The following ELAPOR1 variants were observed in gnomAD, a reference collection of about 807,000 sequenced individuals.
ELAPOR1 encodes endosome-lysosome associated apoptosis and autophagy regulator 1.
Under a neutral mutation model 119.7 loss-of-function variants are expected in ELAPOR1, and 77 were observed. That is an observed-to-expected ratio of 0.64 (90% confidence interval 0.54 to 0.78). ELAPOR1 has a LOEUF of 0.78. Among genes scored for constraint, ELAPOR1 ranks in the 30% least tolerant of loss-of-function variants. The pLI is 0.00. For missense variants in ELAPOR1, 1,115 were observed against 1,270.4 expected (o/e 0.88, Z 1.86); for synonymous variants, 481 against 487.2 (o/e 0.99, Z 0.17).
At position 109,191,494 on chromosome 1, in the gene ELAPOR1, G is replaced by A. The variant is rs186670906; in HGVS notation, c.1545+23G>A. On this transcript the variant is annotated intron_variant, in intron 12 of 21. Transcript: ENST00000369939. ...GTGGTACGTTTTCCTTTCTTTGCCC[G>A]CTAGAGGGCCTCCAGGGGAGGGTTA... The A allele has an allele frequency of 9.9e-5, 156 of 1,582,892 alleles. No homozygotes were observed. In the African/African-American group the frequency reaches 1.2e-3, roughly 12 times the overall value.
chr1:109,146,273 T>C (rs913954076), intron 1 of ELAPOR1, among the ~76,000 whole-genome samples: 2 of 151,926 alleles, frequency 1.3e-5, no homozygotes, highest in African/African-American at 4.8e-5. Context: ...TGAGCCGAAA[T>C]TGAGTCGCTG....
At chr1:109,189,505 C>A in intron 10 of ELAPOR1, 87 bp from the exon 11 acceptor site, 1 of 1,238,036 alleles carries the variant, frequency 8.1e-7, no homozygotes, top group South Asian at 1.2e-5. Context: ...AAGATGGTGT[C>A]AAACCTCCCT....
In ELAPOR1 at chr1:109,119,634, G is replaced by A. The variant is rs183621074; in HGVS notation, c.153+5298G>A. Among the ~76,000 whole-genome samples, 602 of 151,970 alleles carry A rather than the reference G, an allele frequency of 4.0e-3. 2 individuals are homozygous for A. Among genetic ancestry groups the A allele is most frequent in the African/African-American group, 0.014 (564 of 41,434 alleles). ...ACACTAAGCTTCTAAACTCATCTAC[G>A]TTATTGTATGTTACTATATTTTGTG... On this transcript the variant is annotated intron_variant, in intron 1 of 21. Coordinates refer to ENST00000369939, the MANE Select transcript of ELAPOR1 (RefSeq NM_020775.5).
At chr1:109,155,949 T>C (rs1369555531) in intron 1 of ELAPOR1, among the ~76,000 whole-genome samples, 1 of 152,074 alleles carries the variant, frequency 6.6e-6, no homozygotes, top group African/African-American at 2.4e-5. Flanking sequence ...TCAAGACCAG[T>C]CTTAGCCACA....
intron 9 of ELAPOR1, among the ~76,000 whole-genome samples, chr1:109,188,686 C>T (rs1653229281): frequency 6.6e-6 from 1 of 152,200 alleles, no homozygotes; most frequent in Non-Finnish European, 1.5e-5. Flanking sequence ...TGACCAACCC[C>T]ACACAACCAA....
chr1:109,146,320 C>T (rs1570638145), intron 1 of ELAPOR1, among the ~76,000 whole-genome samples: 1 of 81,820 alleles, frequency 1.2e-5, no homozygotes, highest in African/African-American at 3.4e-5. Flanking sequence ...GACTCTGTCT[C>T]AATTAAAAAA....
chr1:109,172,739 G>A (rs959683311), intron 5 of ELAPOR1, among the ~76,000 whole-genome samples, 171 bp downstream of exon 5: 1 of 152,154 alleles, frequency 6.6e-6, no homozygotes, highest in African/African-American at 2.4e-5. Flanking sequence ...CAGAATATGG[G>A]TGTGAGCTGA....
chr1:109,136,899 G>A (rs145195934), intron 1 of ELAPOR1, among the ~76,000 whole-genome samples: 1 of 152,306 alleles, frequency 6.6e-6, no homozygotes, highest in Non-Finnish European at 1.5e-5. Flanking sequence ...GGGACCAGGA[G>A]AACTGAACAG....
At chr1:109,193,738 C>T (rs192631867) in intron 14 of ELAPOR1, among the ~76,000 whole-genome samples, 4 of 152,290 alleles carry the variant, frequency 2.6e-5, no homozygotes, top group Admixed American at 6.5e-5. Context: ...ACTCTGCAAA[C>T]GTTGCCTAGT....
In ELAPOR1 at chr1:109,199,969, G is replaced by A. The variant is rs751310326; in HGVS notation, c.2617G>A (p.Ala873Thr). The A allele has an allele frequency of 6.2e-7, 1 of 1,614,022 alleles. No homozygotes were observed. The highest frequency in any genetic ancestry group is 1.1e-5 in the South Asian group (1 of 91,084). The stretch of plus-strand genomic sequence containing the variant: ...CCATGCTATCGTCAGCAGCTGTGTG[G>A]CTGGGATCCAGGTGGGTTTCCCTCT... ...DYHAIVSSCV[A>T]GIQKTTYVWR... The change falls in exon 19 of 22, where the codon GCT becomes ACT. Residue 873 changes from alanine (A) to threonine (T), a missense_variant. Transcript: ENST00000369939.
intron 15 of ELAPOR1, among the ~76,000 whole-genome samples, chr1:109,196,345 T>G (rs1653791757): frequency 6.6e-6 from 1 of 152,234 alleles, no homozygotes; most frequent in African/African-American, 2.4e-5. Flanking sequence ...GTCTCTATCT[T>G]GTTTTCAGAA....
chr1:109,187,831 A>G, intron 8 of ELAPOR1: 1 of 992,214 alleles, frequency 1.0e-6, no homozygotes, highest in Non-Finnish European at 1.2e-6. Flanking sequence ...GATTTTCACC[A>G]GCTGCTTTTC....
At chr1:109,129,417 G>A (rs1344064777) in intron 1 of ELAPOR1, among the ~76,000 whole-genome samples, 2 of 152,164 alleles carry the variant, frequency 1.3e-5, no homozygotes, top group African/African-American at 4.8e-5. Context: ...GGCTGAGGCA[G>A]GATTCACTAG....
At chr1:109,123,845 C>T (rs1318870047) in intron 1 of ELAPOR1, among the ~76,000 whole-genome samples, 1 of 152,150 alleles carries the variant, frequency 6.6e-6, no homozygotes, top group Admixed American at 6.5e-5. Context: ...ATCTCATTCC[C>T]AGGCTGGAGT....
rs761912457 is a variant in ELAPOR1, at chr1:109,198,012, C to G, written c.2336C>G (p.Thr779Ser). ...ACAGATATGACTCTGGATGGAATCA[C>G]CTCCCCAGCTGAACTTTTCCACCTG... ...VTTDMTLDGI[T>S]SPAELFHLES... Residue 779 changes from threonine (T) to serine (S), a missense_variant, in exon 17 of 22, where the codon ACC (threonine) becomes AGC (serine). Transcript: ENST00000369939. The G allele has an allele frequency of 1.4e-5, 23 of 1,613,992 alleles. No homozygotes were observed. Among genetic ancestry groups the G allele is most frequent in the Non-Finnish European group, 1.7e-6 (2 of 1,179,992 alleles).
chr1:109,201,481 A>G, intron 21 of ELAPOR1: 1 of 405,162 alleles, frequency 2.5e-6, no homozygotes, highest in Non-Finnish European at 5.0e-6. Context: ...GCCAGCAGAC[A>G]GCATACAAGC....
At chr1:109,155,295 C>T (rs898505590) in intron 1 of ELAPOR1, among the ~76,000 whole-genome samples, 1 of 151,930 alleles carries the variant, frequency 6.6e-6, no homozygotes, top group Non-Finnish European at 1.5e-5. Context: ...CCTGCCTCAG[C>T]CTCCTGAGTA....
At chr1:109,147,604 C>T (rs187210644) in intron 1 of ELAPOR1, among the ~76,000 whole-genome samples, 77 of 151,794 alleles carry the variant, frequency 5.1e-4, no homozygotes, top group African/African-American at 1.7e-3. Context: ...ATGTAAGCCA[C>T]GAACTCTGAG....
At chr1:109,158,936 A>G (rs1407558011) in intron 1 of ELAPOR1, among the ~76,000 whole-genome samples, 1 of 141,114 alleles carries the variant, frequency 7.1e-6, no homozygotes, top group Admixed American at 7.5e-5. Context: ...TTTTTTGCCC[A>G]GGCTGGAGTA....
Sources: gnomAD v4.1 joint callset for allele counts (sites outside exome capture counted in the v4.1 genomes callset) on GRCh38, gnomAD v4.1.1 for gene constraint, MANE v1.5 for transcripts, NCBI Gene and HGNC (gene_info 2026-07-23, HGNC 2026-07-21) for gene names.